NAV3: variants seen among roughly 807,000 people sequenced by gnomAD.
The protein encoded by NAV3 is pore membrane and/or filament interacting like protein 1.
NAV3 carries 87 observed loss-of-function variants against 244.7 expected under a neutral mutation model. The ratio of observed to expected loss-of-function variants is 0.36; its 90% confidence interval spans 0.30 to 0.42. The LOEUF (loss-of-function observed/expected upper bound fraction) is 0.42, where lower values mean the gene tolerates loss of function less well. NAV3 is among the 20% of genes least tolerant of loss of function. The pLI is 1.00. For synonymous variants in NAV3, 1,126 were observed against 1,042.2 expected, an observed-to-expected ratio of 1.08 and a Z score of -1.55; for missense variants, 2,663 against 2,893.3, an observed-to-expected ratio of 0.92 and a Z score of 1.83.
intron 1 of NAV3, among the ~76,000 whole-genome samples, chr12:77,899,974 T>C (rs1044707330): frequency 4.6e-5 from 7 of 152,164 alleles, no homozygotes; most frequent in Non-Finnish European, 1.0e-4. Context: ...CCAATGATCC[T>C]GTCCCCCAGA....
At chr12:77,833,953 G>GTGTGTTCCTTTCGACGTCCAGCCGCTTA (rs550718842) in intron 1 of NAV3, among the ~76,000 whole-genome samples, 10 of 152,058 alleles carry the variant, frequency 6.6e-5, no homozygotes, top group South Asian at 2.1e-4. Flanking sequence ...TCTTCTGCTG[G>GTGTGTTCCTTTCGACGTCCAGCCGCTTA]TGTGTTCCTT....
intron 34 of NAV3, among the ~76,000 whole-genome samples, chr12:78,192,413 AT>A (rs34351331): frequency 4.7e-4 from 69 of 147,106 alleles, no homozygotes; most frequent in African/African-American, 1.2e-3. Context: ...ATTTTTATTT[AT>A]TTTTTTTTTG....
intron 3 of NAV3, among the ~76,000 whole-genome samples, chr12:77,961,011 A>G (rs1347929837): frequency 6.8e-6 from 1 of 146,464 alleles, no homozygotes; most frequent in East Asian, 2.1e-4. Context: ...ATATGTATAT[A>G]TGTATATGTT....
intron 23 of NAV3, among the ~76,000 whole-genome samples, chr12:78,164,731 T>C (rs1186990291): frequency 2.6e-5 from 4 of 151,438 alleles, no homozygotes; most frequent in Non-Finnish European, 5.9e-5. Context: ...CATGGTGGAG[T>C]GGGGAAAGGA....
At chr12:77,603,321 C>A (rs1237166756) in intron 2 of NAV3, among the ~76,000 whole-genome samples, 2 of 152,056 alleles carry the variant, frequency 1.3e-5, no homozygotes, top group Non-Finnish European at 2.9e-5. Context: ...TGAATGAACT[C>A]TTTGGTGATC....
At chr12:77,582,721 C>T (rs916275437) in intron 2 of NAV3, among the ~76,000 whole-genome samples, 8 of 152,082 alleles carry the variant, frequency 5.3e-5, no homozygotes, top group East Asian at 3.9e-4. Context: ...TGTGAGTACA[C>T]GCATGTATGT....
At chr12:77,956,918 T>G (rs1891418946) in intron 3 of NAV3, among the ~76,000 whole-genome samples, 2 of 152,060 alleles carry the variant, frequency 1.3e-5, no homozygotes, top group Non-Finnish European at 2.9e-5. Context: ...GATTTTTGTA[T>G]TTTTAGTAGA....
chr12:78,081,195 A>G (rs1953331647), intron 12 of NAV3, among the ~76,000 whole-genome samples: 1 of 152,188 alleles, frequency 6.6e-6, no homozygotes, highest in Admixed American at 6.5e-5. Context: ...CTATAGCGTG[A>G]TAATACGTTA....
intron 23 of NAV3, 135 bp from the exon 24 acceptor site, chr12:78,168,620 C>A (rs1957877577): frequency 3.4e-6 from 2 of 581,164 alleles, no homozygotes; most frequent in African/African-American, 1.9e-5. Context: ...TACAGCTTGA[C>A]AAGTTCAGCT....
Position 78,071,592 on chromosome 12 carries a change from C to A in NAV3, c.2636+12477C>A, listed in dbSNP as rs138012329. On this transcript the variant is annotated intron_variant, in intron 12 of 39. Transcript: ENST00000397909. The stretch of plus-strand genomic sequence containing the variant: ...CATTTGTCAATCTCGTCTTTTGTTG[C>A]CATTGCTTTTGGTGTTTCAGACATG... Among the ~76,000 whole-genome samples the A allele has an allele frequency of 2.8e-3, 433 of 152,196 alleles. 4 individuals carry two copies. Among genetic ancestry groups the A allele is most frequent in the African/African-American group, 0.01 (416 of 41,532 alleles).
At chr12:78,165,065 A>T (rs1233674657) in intron 23 of NAV3, among the ~76,000 whole-genome samples, 1 of 152,096 alleles carries the variant, frequency 6.6e-6, no homozygotes, top group Non-Finnish European at 1.5e-5. Context: ...CCTCAGATAC[A>T]TGCATAAAAC....
At chr12:77,669,766 C>T in intron 2 of NAV3, among the ~76,000 whole-genome samples, 1 of 151,938 alleles carries the variant, frequency 6.6e-6, no homozygotes, top group East Asian at 1.9e-4. Context: ...GACTTTAATA[C>T]TCTATTGACA....
At chr12:77,576,940 A>G (rs1869114906) in intron 2 of NAV3, among the ~76,000 whole-genome samples, 1 of 152,204 alleles carries the variant, frequency 6.6e-6, no homozygotes, top group Non-Finnish European at 1.5e-5. Flanking sequence ...ACAACATCGT[A>G]TCATTTATTA....
chr12:77,598,232 C>T (rs1046130194), intron 2 of NAV3, among the ~76,000 whole-genome samples: 11 of 151,854 alleles, frequency 7.2e-5, no homozygotes, highest in South Asian at 2.1e-4. Flanking sequence ...AGAAAGTATC[C>T]GTATTTAAAA....
rs560604617 is a variant in NAV3, at chr12:77,761,168, C to T, written c.73-179151C>T. On this transcript the variant is annotated intron_variant, in intron 2 of 8. Transcript: ENST00000550042. ...CCGCCTCCCACGTTCAAGCGATTCT[C>T]CTGCCTCAGCCTCCCGAGTAGCTGG... Among the ~76,000 whole-genome samples, 8 of 152,304 alleles carry T rather than the reference C, an allele frequency of 5.3e-5. No individual in the cohort carries two copies. In the South Asian group the frequency reaches 1.7e-3, roughly 32 times the overall value.
rs1280867817 is a variant in NAV3, at chr12:78,150,637, A to T, written c.4785+1718A>T. ...CACACGTGCAAAAGCTTCCTCACAC[A>T]CACACACACACACACACACACACAC... On this transcript the variant is annotated intron_variant, in intron 22 of 39. Coordinates refer to ENST00000397909, the MANE Select transcript of NAV3 (RefSeq NM_001024383.2). Among the ~76,000 whole-genome samples, 25 of 82,398 alleles carry T rather than the reference A, an allele frequency of 3.0e-4. No individual in the cohort carries two copies. The South Asian group carries it at 4.9e-3, about 16-fold the overall frequency. The allele number at this position is 82,398 out of a possible 152,430, so 54.1% of individuals were successfully genotyped here.
rs2138631880 is a variant in NAV3, at chr12:78,119,778, C to T, written c.3582C>T (p.Val1194=). ...IGSGRSSPVT[V]NQTDKEKEKV... ...CAGGGCGCTCGAGTCCTGTCACCGT[C>T]AACCAAACAGACAAGGAAAAGGAAA... Residue 1194 remains valine (V), a synonymous_variant, in exon 15 of 40, where the codon GTC becomes GTT. Transcript: ENST00000397909. 1 of 1,614,054 alleles carries T rather than the reference C, an allele frequency of 6.2e-7. No homozygotes were observed. The highest frequency in any genetic ancestry group is 1.3e-5 in the African/African-American group (1 of 75,018).
At chr12:77,849,120 A>G (rs145401052) in intron 1 of NAV3, among the ~76,000 whole-genome samples, 2,877 of 152,304 alleles carry the variant, frequency 0.019, 77 homozygotes, top group African/African-American at 0.065. Context: ...CAATGTAATT[A>G]AAATTAAATT....
chr12:77,872,737 A>G (rs1472141157), intron 1 of NAV3, among the ~76,000 whole-genome samples: 2 of 152,146 alleles, frequency 1.3e-5, no homozygotes, highest in African/African-American at 4.8e-5. Flanking sequence ...GAACTTTTAC[A>G]TTTCGGAACT....
Sources: allele counts gnomAD v4.1 joint callset (sites outside exome capture counted in the v4.1 genomes callset), GRCh38; gene constraint gnomAD v4.1.1; transcripts MANE v1.5; gene names NCBI Gene and HGNC (gene_info 2026-07-23, HGNC 2026-07-21).